The following PTPRN2 variants were observed in gnomAD, a reference collection of about 807,000 sequenced individuals.
The protein encoded by PTPRN2 is receptor-type tyrosine-protein phosphatase N2.
PTPRN2 carries 74 observed loss-of-function variants against 118.8 expected under a neutral mutation model. The observed-to-expected ratio is 0.62, with a 90% CI of 0.52 to 0.76. PTPRN2 has a LOEUF of 0.76. Ranked by LOEUF, PTPRN2 falls within the 30% of genes least tolerant of loss-of-function variation. PTPRN2 has a pLI of 0.00. For missense variants in PTPRN2, 1,481 were observed against 1,394.4 expected (o/e 1.06, Z -0.99); for synonymous variants, 641 against 608.0 (o/e 1.05, Z -0.80).
chr7:158,551,723 GC>G (rs1826672664), intron 1 of PTPRN2, among the ~76,000 whole-genome samples: 2 of 25,970 alleles, frequency 7.7e-5, no homozygotes, highest in African/African-American at 1.8e-4. Context: ...CATTTGGGGG[GC>G]CCCAGCTCCT....
At chr7:158,057,840 C>T (rs982465896) in intron 11 of PTPRN2, among the ~76,000 whole-genome samples, 1 of 152,240 alleles carries the variant, frequency 6.6e-6, no homozygotes, top group African/African-American at 2.4e-5. Context: ...CCTGGAAAGA[C>T]ACACAGCAAA....
In PTPRN2 at chr7:158,390,873, A is replaced by G. The variant is rs545468345; in HGVS notation, c.164-73941T>C. ...AAGAGGCTACGAAAAATGGAGGGGCAGGAAGGGCAGATGAAAACCCATCCC... is the reference window on the plus strand; with the variant it reads ...AAGAGGCTACGAAAAATGGAGGGGCGGGAAGGGCAGATGAAAACCCATCCC... On this transcript the variant is annotated intron_variant, in intron 2 of 22. Coordinates refer to ENST00000389418, the MANE Select transcript of PTPRN2 (RefSeq NM_002847.5). 2.0e-5 allele frequency among the ~76,000 whole-genome samples: 3 copies of G among 152,334 alleles called. No homozygotes were observed. The South Asian group carries it at 6.2e-4, about 32-fold the overall frequency.
intron 12 of PTPRN2, among the ~76,000 whole-genome samples, chr7:157,788,374 C>CA (rs749886375): frequency 0.065 from 4,902 of 75,316 alleles, 130 homozygotes; most frequent in Non-Finnish European, 0.075. Flanking sequence ...GACTCCATCT[C>CA]AAAAAAAAAA....
chr7:158,430,790 G>A (rs958501914), intron 2 of PTPRN2, among the ~76,000 whole-genome samples: 41 of 152,188 alleles, frequency 2.7e-4, no homozygotes, highest in Non-Finnish European at 4.3e-4. Context: ...GCTCACCCCC[G>A]CTATGAGAGA....
chr7:157,812,586 G>T (rs1347325422), intron 12 of PTPRN2, among the ~76,000 whole-genome samples: 4 of 152,180 alleles, frequency 2.6e-5, no homozygotes, highest in African/African-American at 9.7e-5. Flanking sequence ...TGTCAGAGGA[G>T]ACCAGAAACT....
chr7:157,844,960 C>T (rs1405060051), intron 12 of PTPRN2, among the ~76,000 whole-genome samples: 3 of 152,084 alleles, frequency 2.0e-5, no homozygotes, highest in Non-Finnish European at 4.4e-5. Flanking sequence ...TGGGAAGATG[C>T]CCTGGAGCCC....
chr7:158,583,745 C>T (rs1449016775), intron 1 of PTPRN2, among the ~76,000 whole-genome samples: 1 of 152,156 alleles, frequency 6.6e-6, no homozygotes, highest in Non-Finnish European at 1.5e-5. Context: ...CTGCCCAGAA[C>T]ATCAGCCCTT....
chr7:158,105,633 C>G (rs1815622437), intron 10 of PTPRN2, among the ~76,000 whole-genome samples: 1 of 151,678 alleles, frequency 6.6e-6, no homozygotes, highest in Admixed American at 6.6e-5. Flanking sequence ...GCTCCATAGA[C>G]TTCCATCCAG....
chr7:157,648,447 ACT>A, intron 14 of PTPRN2, among the ~76,000 whole-genome samples: 1 of 106,162 alleles, frequency 9.4e-6, no homozygotes, highest in East Asian at 3.5e-4. Flanking sequence ...TTCACTGTGC[ACT>A]GAACTCGGTG....
chr7:158,177,501 AC>A (rs1824322987), intron 5 of PTPRN2, among the ~76,000 whole-genome samples: 1 of 152,160 alleles, frequency 6.6e-6, no homozygotes, highest in African/African-American at 2.4e-5. Context: ...CACGTCCGTC[AC>A]CCTGAATACA....
intron 14 of PTPRN2, among the ~76,000 whole-genome samples, chr7:157,621,783 T>C (rs1290496016): frequency 2.0e-5 from 3 of 151,906 alleles, no homozygotes; most frequent in African/African-American, 7.3e-5. Flanking sequence ...ATGACAACAA[T>C]TATCACATGC....
chr7:157,542,622 C>T (rs1374111813), intron 22 of PTPRN2, among the ~76,000 whole-genome samples: 2 of 152,174 alleles, frequency 1.3e-5, no homozygotes, highest in Non-Finnish European at 2.9e-5. Flanking sequence ...GGGGGAACTC[C>T]ACCAGGGTCT....
At chr7:158,005,494 C>T (rs1805574559) in intron 11 of PTPRN2, among the ~76,000 whole-genome samples, 1 of 152,184 alleles carries the variant, frequency 6.6e-6, no homozygotes, top group African/African-American at 2.4e-5. Context: ...AAGACCTAAG[C>T]TGGTTTGGAA....
At position 158,347,605 on chromosome 7, in the gene PTPRN2, T is replaced by C. The variant is rs147920366; in HGVS notation, c.164-30673A>G. On this transcript the variant is annotated intron_variant, in intron 2 of 22. Transcript: ENST00000389418. ...ATTCAGGGTTTTATGTGGTTCCATATGAATTTTAGGATTGCTTTTCTATTT... is the reference window on the plus strand; with the variant it reads ...ATTCAGGGTTTTATGTGGTTCCATACGAATTTTAGGATTGCTTTTCTATTT... Among the ~76,000 whole-genome samples, 1,230 of 152,340 alleles carry C rather than the reference T, an allele frequency of 8.1e-3. 21 individuals are homozygous for C. Among genetic ancestry groups the C allele is most frequent in the African/African-American group, 0.029 (1,187 of 41,580 alleles).
rs2150600797 is a variant in PTPRN2 at position 157,611,778 on chromosome 7, C to T, written c.2345-7703G>A. Among the ~76,000 whole-genome samples the T allele has an allele frequency of 1.3e-5, 2 of 149,284 alleles. No individual in the cohort carries two copies. The highest frequency in any genetic ancestry group is 4.0e-4 in the East Asian group (2 of 5,012). On this transcript the variant is annotated intron_variant, in intron 15 of 22. Coordinates refer to ENST00000389418, the MANE Select transcript of PTPRN2 (RefSeq NM_002847.5). The surrounding 1 kb of genome is among the most constrained non-coding windows in gnomAD (Gnocchi z 5.9). Reference sequence around the variant, plus strand: ...GTGTGAAGACGAAGACAGCCGCAGTCATGCTGGGGACACGCGGAGGGAGAG... The same window carrying T: ...GTGTGAAGACGAAGACAGCCGCAGTTATGCTGGGGACACGCGGAGGGAGAG...
chr7:157,893,233 A>G lies in PTPRN2; in HGVS notation c.1788+5440T>C, dbSNP rs962472993. On this transcript the variant is annotated intron_variant, in intron 12 of 22. Transcript: ENST00000389418. This position sits in a 1 kb window ranked among gnomAD's most constrained non-coding sequence, Gnocchi z 4.0. ...CGTTTGGTAATTTTCTGTCCCAGGG[A>G]TGACGGAGCCTCTGCCCCTGGGAAT... is the stretch of plus-strand genomic sequence containing the variant. 2.0e-5 allele frequency among the ~76,000 whole-genome samples: 3 copies of G among 152,188 alleles called. No homozygotes were observed. Among genetic ancestry groups the G allele is most frequent in the African/African-American group, 7.2e-5 (3 of 41,442 alleles).
intron 11 of PTPRN2, among the ~76,000 whole-genome samples, chr7:158,016,394 G>C (rs546837903): frequency 6.6e-6 from 1 of 152,324 alleles, no homozygotes; most frequent in East Asian, 1.9e-4. Flanking sequence ...GTGTAAGAAA[G>C]TCACCAGAGA....
intron 12 of PTPRN2, among the ~76,000 whole-genome samples, chr7:157,812,210 C>T (rs939039602): frequency 8.5e-5 from 13 of 152,292 alleles, no homozygotes; most frequent in South Asian, 2.1e-4. Context: ...ATGTGAGGTC[C>T]GCTCATTAGA....
At chr7:158,281,207 T>G (rs1300109967) in intron 3 of PTPRN2, among the ~76,000 whole-genome samples, 1 of 152,178 alleles carries the variant, frequency 6.6e-6, no homozygotes, top group Admixed American at 6.5e-5. Context: ...GAGAATCACT[T>G]GAACCGGGGA....
Sources: allele counts gnomAD v4.1 joint callset (sites outside exome capture counted in the v4.1 genomes callset), GRCh38; gene constraint gnomAD v4.1.1; non-coding constraint Gnocchi (gnomAD v3.1); transcripts MANE v1.5; gene names NCBI Gene and HGNC (gene_info 2026-07-23, HGNC 2026-07-21).